Variants in IL1RAPL1 observed in about 807,000 individuals in gnomAD.
The protein encoded by IL1RAPL1 is interleukin-1 receptor accessory protein-like 1.
In IL1RAPL1, 3 loss-of-function variants were observed where a neutral mutation model predicts 48.4. That is an observed-to-expected ratio of 0.06 (90% CI 0.03 to 0.16). IL1RAPL1 has a LOEUF of 0.16. Among genes scored for constraint, IL1RAPL1 ranks in the 10% least tolerant of loss-of-function variants. The pLI, the probability that IL1RAPL1 is intolerant of heterozygous loss-of-function variation, is 1.00. For synonymous variants in IL1RAPL1, 185 were observed against 187.7 expected, an observed-to-expected ratio of 0.99 and a Z score of 0.12; for missense variants, 349 against 530.6, an observed-to-expected ratio of 0.66 and a Z score of 3.36.
chrX:28,623,547 G>A, intron 1 of IL1RAPL1, among the ~76,000 whole-genome samples: 1 of 111,873 alleles, frequency 8.9e-6, no homozygotes, highest in Middle Eastern at 4.6e-3. Context: ...GATGTTTAAA[G>A]TGTAGCTTTA....
At chrX:29,578,905 G>C (rs1182984758) in intron 5 of IL1RAPL1, among the ~76,000 whole-genome samples, 4 of 111,756 alleles carry the variant, frequency 3.6e-5, no homozygotes, top group African/African-American at 1.3e-4. Flanking sequence ...TTAATGAATG[G>C]GCAATTTGGG....
At chrX:28,972,818 A>C (rs945405681) in intron 2 of IL1RAPL1, among the ~76,000 whole-genome samples, 4 of 111,120 alleles carry the variant, frequency 3.6e-5, no homozygotes, top group African/African-American at 9.8e-5. Flanking sequence ...TTTCCATTAC[A>C]CCTGGTTCTG....
intron 5 of IL1RAPL1, among the ~76,000 whole-genome samples, chrX:29,547,437 A>G (rs1172701524): frequency 9.0e-6 from 1 of 111,362 alleles, no homozygotes; most frequent in African/African-American, 3.3e-5. Flanking sequence ...ATGTAAAAAG[A>G]GAGAATAACT....
intron 2 of IL1RAPL1, among the ~76,000 whole-genome samples, chrX:29,028,362 A>G (rs186480875): frequency 1.8e-3 from 182 of 98,992 alleles, no homozygotes; most frequent in African/African-American, 6.6e-3. Context: ...GTCTTGACTC[A>G]CAGCAATCTC....
chrX:29,144,603 C>CAAAAA (rs1235048808), intron 2 of IL1RAPL1, among the ~76,000 whole-genome samples: 1 of 21,844 alleles, frequency 4.6e-5, no homozygotes, highest in African/African-American at 1.5e-4. Context: ...AACTCAGTCT[C>CAAAAA]AAAAAAAAAA....
intron 3 of IL1RAPL1, among the ~76,000 whole-genome samples, chrX:29,333,056 C>G (rs370815690): frequency 0.28 from 25,180 of 89,223 alleles, 893 homozygotes; most frequent in Non-Finnish European, 0.38. Flanking sequence ...TCTATCCACA[C>G]AGACCCGGCA....
At chrX:28,822,325 A>G (rs1018892646) in intron 2 of IL1RAPL1, among the ~76,000 whole-genome samples, 1 of 111,796 alleles carries the variant, frequency 8.9e-6, no homozygotes, top group Non-Finnish European at 1.9e-5. Flanking sequence ...CCACAAGCTA[A>G]GAAAAGTTTT....
In IL1RAPL1 at chrX:29,086,703, C is replaced by T. The variant is rs1481540147; in HGVS notation, c.83-196235C>T. The stretch of plus-strand genomic sequence containing the variant: ...ACCTATTAACAAGCTAATAAATGTC[C>T]TGGCTAGAAGTGTCATAAATGGTGA... On this transcript the variant is annotated intron_variant, in intron 2 of 10. Transcript: ENST00000378993. 6.2e-5 allele frequency among the ~76,000 whole-genome samples: 7 copies of T among 112,021 alleles called. No homozygotes were observed. In the East Asian group the frequency reaches 1.9e-3, roughly 31 times the overall value.
At chrX:29,678,750 A>G (rs1926363996) in intron 6 of IL1RAPL1, among the ~76,000 whole-genome samples, 1 of 111,364 alleles carries the variant, frequency 9.0e-6, no homozygotes, top group Non-Finnish European at 1.9e-5. Context: ...ACATATACTA[A>G]TTGAATTATG....
At chrX:28,897,838 T>C (rs1451592704) in intron 2 of IL1RAPL1, among the ~76,000 whole-genome samples, 2 of 111,263 alleles carry the variant, frequency 1.8e-5, no homozygotes, top group Non-Finnish European at 3.8e-5. Flanking sequence ...GGGGTGGGGC[T>C]GTTTTATAAG....
At chrX:29,024,316 C>T (rs1463498255) in intron 2 of IL1RAPL1, among the ~76,000 whole-genome samples, 1 of 111,755 alleles carries the variant, frequency 8.9e-6, no homozygotes, top group African/African-American at 3.2e-5. Flanking sequence ...AGATATCCAC[C>T]TTCCTAAAGT....
At chrX:28,608,745 A>AAT (rs1388039807) in intron 1 of IL1RAPL1, among the ~76,000 whole-genome samples, 1 of 112,235 alleles carries the variant, frequency 8.9e-6, no homozygotes. Flanking sequence ...TAAAGGTCTA[A>AAT]ATAATTTGAG....
At chrX:29,222,472 A>G (rs192877203) in intron 2 of IL1RAPL1, among the ~76,000 whole-genome samples, 1 of 112,070 alleles carries the variant, frequency 8.9e-6, no homozygotes, top group African/African-American at 3.2e-5. Context: ...CTAGGTCAAT[A>G]TTTGTTCAAT....
chrX:29,950,821 C>G (rs1209844146), intron 9 of IL1RAPL1, among the ~76,000 whole-genome samples: 2 of 109,826 alleles, frequency 1.8e-5, no homozygotes, highest in African/African-American at 3.3e-5. Flanking sequence ...GGACTACAGG[C>G]GCCCGCAACC....
intron 1 of IL1RAPL1, among the ~76,000 whole-genome samples, chrX:28,590,386 G>A (rs189838977): frequency 1.7e-3 from 185 of 111,170 alleles, no homozygotes; most frequent in African/African-American, 5.7e-3. Context: ...GTCCTAAGGA[G>A]TAAGATGCAG....
intron 5 of IL1RAPL1, among the ~76,000 whole-genome samples, chrX:29,437,274 A>G (rs1332813172): frequency 9.0e-6 from 1 of 110,847 alleles, no homozygotes; most frequent in East Asian, 2.8e-4. Flanking sequence ...AGACTGAGGT[A>G]CATACAAATA....
intron 3 of IL1RAPL1, among the ~76,000 whole-genome samples, chrX:29,393,413 G>A (rs1396904721): frequency 8.9e-6 from 1 of 111,896 alleles, no homozygotes; most frequent in East Asian, 2.8e-4. Context: ...GAGCCACCGC[G>A]CCCTGCCAAC....
At chrX:29,747,578 A>G (rs1928363261) in intron 6 of IL1RAPL1, among the ~76,000 whole-genome samples, 1 of 112,104 alleles carries the variant, frequency 8.9e-6, no homozygotes, top group African/African-American at 3.2e-5. Flanking sequence ...TGACTTCAAC[A>G]CAAATTCCAT....
chrX:29,337,488 A>G (rs1933012197), intron 3 of IL1RAPL1, among the ~76,000 whole-genome samples: 1 of 111,505 alleles, frequency 9.0e-6, no homozygotes, highest in Admixed American at 9.5e-5. Context: ...GGCGTCTTGC[A>G]GCTCATGACC....
Sources: allele counts gnomAD v4.1 joint callset (sites outside exome capture counted in the v4.1 genomes callset), GRCh38; gene constraint gnomAD v4.1.1; transcripts MANE v1.5; gene names NCBI Gene and HGNC (gene_info 2026-07-23, HGNC 2026-07-21).